The following NEGR1 variants were observed in gnomAD, a reference collection of about 807,000 sequenced individuals.
NEGR1 encodes neuronal growth regulator 1.
Under a neutral mutation model 40.9 loss-of-function variants are expected in NEGR1, and 10 were observed. That is an observed-to-expected ratio of 0.24 (90% CI 0.15 to 0.42). NEGR1 has a LOEUF of 0.42. Among genes scored for constraint, NEGR1 ranks in the 10% least tolerant of loss-of-function variants. The pLI, the probability that NEGR1 is intolerant of heterozygous loss-of-function variation, is 1.00. For synonymous variants in NEGR1, 185 were observed against 166.8 expected (o/e 1.11, Z -0.84); for missense variants, 352 against 438.9 (o/e 0.80, Z 1.77).
Position 71,753,467 on chromosome 1 carries a change from A to G in NEGR1, c.535+22705T>C, listed in dbSNP as rs1243151871. Among the ~76,000 whole-genome samples, 4 of 152,190 alleles carry G rather than the reference A, an allele frequency of 2.6e-5. No individual in the cohort carries two copies. In the East Asian group the frequency reaches 5.8e-4, roughly 22 times the overall value. On this transcript the variant is annotated intron_variant, in intron 3 of 6. Transcript: ENST00000357731. ...AAGTGGCAGCAGTCAGTGGTGTAAT[A>G]TATCTCAGGAGTCTTTTGCCCATGT...
intron 1 of NEGR1, among the ~76,000 whole-genome samples, chr1:71,996,985 A>T (rs961646869): frequency 5.9e-5 from 9 of 151,940 alleles, no homozygotes; most frequent in African/African-American, 2.2e-4. Context: ...ATAATTCACT[A>T]AGAGAGCTAT....
chr1:72,189,095 T>A (rs1652720034), intron 1 of NEGR1, among the ~76,000 whole-genome samples: 2 of 151,676 alleles, frequency 1.3e-5, no homozygotes, highest in South Asian at 4.1e-4. Flanking sequence ...TGTCTCATTT[T>A]TTCACTGCAG....
At chr1:71,876,489 G>C (rs1025142836) in intron 2 of NEGR1, among the ~76,000 whole-genome samples, 2 of 151,684 alleles carry the variant, frequency 1.3e-5, no homozygotes, top group African/African-American at 2.4e-5. Context: ...CTGGGCGATA[G>C]AGTGAGACCC....
At chr1:71,977,591 T>A (rs1442137340) in intron 1 of NEGR1, among the ~76,000 whole-genome samples, 1 of 152,074 alleles carries the variant, frequency 6.6e-6, no homozygotes, top group Admixed American at 6.6e-5. Flanking sequence ...CCTACTTTTA[T>A]TTTTTGTAAC....
chr1:71,641,158 A>T (rs147429942), intron 4 of NEGR1, among the ~76,000 whole-genome samples: 1 of 152,214 alleles, frequency 6.6e-6, no homozygotes, highest in African/African-American at 2.4e-5. Context: ...CACAGAACAG[A>T]TTGTTTGCGT....
rs1029999758 is a variant in NEGR1, at chr1:71,690,822, A to G, written c.667+7186T>C. On this transcript the variant is annotated intron_variant, in intron 4 of 6. Transcript: ENST00000357731. ...CAAACTCTATTATTCCTATTACTTC[A>G]TGTATATTTTTTGAAGTGATGATTG... 2.0e-5 allele frequency among the ~76,000 whole-genome samples: 3 copies of G among 151,886 alleles called. No homozygotes were observed. In the East Asian group the frequency reaches 5.8e-4, roughly 29 times the overall value.
At chr1:72,112,771 C>G (rs1375786757) in intron 1 of NEGR1, among the ~76,000 whole-genome samples, 2 of 151,648 alleles carry the variant, frequency 1.3e-5, no homozygotes, top group Admixed American at 1.3e-4. Flanking sequence ...CATCCTTTCT[C>G]CACTCCACCT....
Position 71,559,009 on chromosome 1 carries a change from C to CTGTGTGTG in NEGR1, c.940+33800_940+33807dup, listed in dbSNP as rs573407911. The stretch of plus-strand genomic sequence containing the variant: ...ATTTATGTTTATTTATTTATCTTCT[C>CTGTGTGTG]TGTGTGTGTGTATATATATATATAT... On this transcript the variant is annotated intron_variant, in intron 6 of 6. Transcript: ENST00000357731. Among the ~76,000 whole-genome samples the CTGTGTGTG allele has an allele frequency of 3.7e-4, 45 of 120,122 alleles. 1 individual carries two copies. Among genetic ancestry groups the CTGTGTGTG allele is most frequent in the African/African-American group, 1.3e-3 (44 of 33,304 alleles). 78.8% of individuals were successfully genotyped at this position (120,122 alleles called of 152,430 possible). A position where few individuals can be genotyped will look rare whatever the true frequency, so the allele number is the denominator to read the frequency against.
rs151085669 is a variant in NEGR1, at chr1:71,766,285, A to C, written c.535+9887T>G. ...GAAAAAGATAATATTTAATAAAATA[A>C]GGACCTGACAAATAGGAAGAAAAGG... is the stretch of plus-strand genomic sequence containing the variant. On this transcript the variant is annotated intron_variant, in intron 3 of 6. Coordinates refer to ENST00000357731, the MANE Select transcript of NEGR1 (RefSeq NM_173808.3). Among the ~76,000 whole-genome samples the C allele has an allele frequency of 2.7e-3, 417 of 152,312 alleles. 1 individual carries two copies. Among genetic ancestry groups the C allele is most frequent in the Non-Finnish European group, 5.1e-3 (345 of 68,026 alleles).
chr1:71,864,059 A>G (rs1237435257), intron 2 of NEGR1, among the ~76,000 whole-genome samples: 1 of 152,152 alleles, frequency 6.6e-6, no homozygotes, highest in Non-Finnish European at 1.5e-5. Context: ...GTGACTAGAA[A>G]ATTTGTTTAG....
rs1033296967 is a variant in NEGR1 at position 71,403,907 on chromosome 1, C to G, written c.*3539G>C. 2.1e-5 allele frequency: 8 copies of G among 380,280 alleles called. No homozygotes were observed. Among genetic ancestry groups the G allele is most frequent in the Non-Finnish European group, 3.8e-5 (8 of 213,020 alleles). The allele number at this position is 380,280 out of a possible 1,614,324, so 23.6% of individuals were successfully genotyped here. ...GCATACCATTTATTCATATTCATATCTATTGAAATACTGTACATCCACATA... is the reference window on the plus strand; with the variant it reads ...GCATACCATTTATTCATATTCATATGTATTGAAATACTGTACATCCACATA... On this transcript the variant is annotated 3_prime_UTR_variant, in exon 7 of 7. Coordinates refer to ENST00000357731, the MANE Select transcript of NEGR1 (RefSeq NM_173808.3).
At chr1:72,098,897 A>T (rs963602131) in intron 1 of NEGR1, among the ~76,000 whole-genome samples, 3 of 152,052 alleles carry the variant, frequency 2.0e-5, no homozygotes, top group African/African-American at 4.8e-5. Context: ...TCAAAAACAT[A>T]CAAAACTAAA....
At chr1:72,133,105 G>A (rs1228258464) in intron 1 of NEGR1, among the ~76,000 whole-genome samples, 2 of 151,964 alleles carry the variant, frequency 1.3e-5, no homozygotes, top group African/African-American at 4.8e-5. Flanking sequence ...TAAGAATAAA[G>A]ACTTATAACC....
chr1:71,968,130 G>A (rs1171121696), intron 1 of NEGR1, among the ~76,000 whole-genome samples: 1 of 152,080 alleles, frequency 6.6e-6, no homozygotes, highest in African/African-American at 2.4e-5. Flanking sequence ...TAAAGTCTCT[G>A]GGACTTTATC....
At chr1:71,494,469 T>C (rs551127657) in intron 6 of NEGR1, among the ~76,000 whole-genome samples, 1 of 152,320 alleles carries the variant, frequency 6.6e-6, no homozygotes, top group African/African-American at 2.4e-5. Flanking sequence ...TATTTGGTCC[T>C]CTCTCAGACT....
intron 3 of NEGR1, among the ~76,000 whole-genome samples, chr1:71,701,079 G>A (rs1185621479): frequency 6.6e-6 from 1 of 151,974 alleles, no homozygotes; most frequent in African/African-American, 2.4e-5. Flanking sequence ...TCAACACCTT[G>A]CTTTGAGTCT....
intron 4 of NEGR1, among the ~76,000 whole-genome samples, chr1:71,641,857 G>A (rs909965599): frequency 6.6e-6 from 1 of 152,016 alleles, no homozygotes; most frequent in Non-Finnish European, 1.5e-5. Flanking sequence ...GTTATTTGAA[G>A]AGTGACAAGA....
intron 2 of NEGR1, among the ~76,000 whole-genome samples, chr1:71,901,422 G>T (rs1661139591): frequency 6.6e-6 from 1 of 151,924 alleles, no homozygotes; most frequent in Non-Finnish European, 1.5e-5. Context: ...CAGCCTCTTG[G>T]GGCTATTTTG....
chr1:71,873,684 C>T (rs1314187801), intron 2 of NEGR1, among the ~76,000 whole-genome samples: 1 of 152,132 alleles, frequency 6.6e-6, no homozygotes, highest in Admixed American at 6.6e-5. Flanking sequence ...CACATCTCTC[C>T]TTCTTTCCAA....
Sources: gnomAD v4.1 joint callset for allele counts (sites outside exome capture counted in the v4.1 genomes callset) on GRCh38, gnomAD v4.1.1 for gene constraint, MANE v1.5 for transcripts, NCBI Gene and HGNC (gene_info 2026-07-23, HGNC 2026-07-21) for gene names.